BSND: variants seen among roughly 807,000 people sequenced by gnomAD.
BSND encodes barttin CLCNK type accessory subunit beta.
In BSND, 13 loss-of-function variants were observed where a neutral mutation model predicts 18.8. The ratio of observed to expected loss-of-function variants is 0.69; its 90% CI spans 0.45 to 1.10. BSND has a LOEUF of 1.10. Ranked by LOEUF, BSND falls within the 50% of genes least tolerant of loss-of-function variation. The probability of loss-of-function intolerance (pLI) is 0.00; values close to 1 mark genes in which losing one functional copy is unlikely to be tolerated. For missense variants in BSND, 379 were observed against 416.7 expected, an observed-to-expected ratio of 0.91 and a Z score of 0.79; for synonymous variants, 170 against 161.8, an observed-to-expected ratio of 1.05 and a Z score of -0.39.
chr1:55,014,071 T>A lies in BSND; in HGVS notation c.*5443T>A, dbSNP rs1244411753. ...TCTGTCCCCAGCACTTCTGAATGAC[T>A]AGCTGTGTGAGTACCAGTCTCCCCA... On this transcript the variant is annotated 3_prime_UTR_variant, in exon 4 of 4. Coordinates refer to ENST00000651561, the MANE Select transcript of BSND (RefSeq NM_057176.3). Among the ~76,000 whole-genome samples, 1 of 152,242 alleles carries A rather than the reference T, an allele frequency of 6.6e-6. No homozygotes were observed. Among genetic ancestry groups the A allele is most frequent in the Non-Finnish European group, 1.5e-5 (1 of 68,036 alleles).
chr1:55,006,254 G>A lies in BSND; in HGVS notation c.273-743G>A, dbSNP rs547341804. Among the ~76,000 whole-genome samples, 85 of 152,314 alleles carry A rather than the reference G, an allele frequency of 5.6e-4. 3 individuals are homozygous for A. The highest frequency in any genetic ancestry group is 4.4e-4 in the Non-Finnish European group (30 of 68,016). ...CGTCTCAGGGCCGGTTACTTGGGGT[G>A]GGCTCCTGTGATACAGTGGGGGCTC... On this transcript the variant is annotated intron_variant, in intron 2 of 3. Coordinates refer to ENST00000651561, the MANE Select transcript of BSND (RefSeq NM_057176.3).
In BSND at chr1:55,015,338, G is replaced by A. The variant is rs1644444548; in HGVS notation, c.*6710G>A. Among the ~76,000 whole-genome samples, 1 of 152,178 alleles carries A rather than the reference G, an allele frequency of 6.6e-6. No individual in the cohort carries two copies. Among genetic ancestry groups the A allele is most frequent in the Admixed American group, 6.5e-5 (1 of 15,278 alleles). On this transcript the variant is annotated 3_prime_UTR_variant, in exon 4 of 4. Transcript: ENST00000651561. ...CTGACCACAAATCCAGCAGAGCAGGGCAGGGAACCCTGTGGCAGAGGCTGT... is the reference window on the plus strand; with the variant it reads ...CTGACCACAAATCCAGCAGAGCAGGACAGGGAACCCTGTGGCAGAGGCTGT...
At position 55,008,530 on chromosome 1, in the gene BSND, G is replaced by T; in HGVS notation, c.865G>T (p.Glu289Ter). 15 of 1,614,212 alleles carry T rather than the reference G, an allele frequency of 9.3e-6. No individual in the cohort carries two copies. The highest frequency in any genetic ancestry group is 1.3e-5 in the Non-Finnish European group (15 of 1,180,032). Residue 289 changes from glutamate to a stop codon, truncating the protein, a stop_gained, in exon 4 of 4, where the codon GAG becomes TAG. Transcript: ENST00000651561. LOFTEE classifies it high-confidence loss of function. ...TTCGGACACAGGTGGGGAGGAACCT[G>T]AGAAGGAAGAGGAAGACCTGTACTA... ...EASDTGGEEPEKEEEDLYYGL... is the reference protein window; with the variant it reads ...EASDTGGEEP
chr1:55,013,524 C>T lies in BSND; in HGVS notation c.*4896C>T, dbSNP rs368945510. On this transcript the variant is annotated 3_prime_UTR_variant, in exon 4 of 4. Coordinates refer to ENST00000651561, the MANE Select transcript of BSND (RefSeq NM_057176.3). The stretch of plus-strand genomic sequence containing the variant: ...AAGCTGAATAATTTGCCCATCCTTG[C>T]GGAGAAGAGCTAAATGGAGGAGAGG... Among the ~76,000 whole-genome samples the T allele has an allele frequency of 9.2e-5, 14 of 152,246 alleles. No homozygotes were observed. Among genetic ancestry groups the T allele is most frequent in the East Asian group, 1.9e-4 (1 of 5,182 alleles).
At position 55,016,911 on chromosome 1, in the gene BSND, G is replaced by A. The variant is rs1335678252; in HGVS notation, c.*8283G>A. On this transcript the variant is annotated 3_prime_UTR_variant, in exon 4 of 4. Transcript: ENST00000651561. ...ACAGCTATGCAAGGGACAGATACAC[G>A]GCCATTCAAAACAGTGACCCTCCTG... Among the ~76,000 whole-genome samples, 4 of 152,136 alleles carry A rather than the reference G, an allele frequency of 2.6e-5. No individual in the cohort carries two copies. Among genetic ancestry groups the A allele is most frequent in the Non-Finnish European group, 5.9e-5 (4 of 68,030 alleles).
intron 1 of BSND, among the ~76,000 whole-genome samples, chr1:55,003,595 G>A (rs1644374254): frequency 6.6e-6 from 1 of 152,168 alleles, no homozygotes; most frequent in African/African-American, 2.4e-5. Flanking sequence ...TCTATGGGAA[G>A]GGGAATAGGG....
intron 3 of BSND, among the ~76,000 whole-genome samples, chr1:55,007,685 T>G (rs1172863050): frequency 2.0e-5 from 3 of 152,202 alleles, no homozygotes; most frequent in Admixed American, 6.5e-5. Context: ...TTGGGTCTGC[T>G]GCTGACCTGC....
At chr1:55,002,051 G>T (rs920332058) in intron 1 of BSND, among the ~76,000 whole-genome samples, 3 of 152,068 alleles carry the variant, frequency 2.0e-5, no homozygotes, top group Non-Finnish European at 2.9e-5. Flanking sequence ...AGGTCTGGGG[G>T]CAGCCATACC....
At chr1:55,004,952 A>G in intron 1 of BSND, 70 bp from the exon 2 acceptor site, 2 of 1,471,258 alleles carry the variant, frequency 1.4e-6, no homozygotes, top group Admixed American at 1.7e-5. Flanking sequence ...AGGTTTGCCA[A>G]TTCCCTGAGG....
At chr1:55,002,291 G>A (rs190880808) in intron 1 of BSND, among the ~76,000 whole-genome samples, 1 of 152,354 alleles carries the variant, frequency 6.6e-6, no homozygotes, top group East Asian at 1.9e-4. Flanking sequence ...CATGAGAGAG[G>A]AGAAGGGATC....
At chr1:55,001,155 C>T (rs1435531680) in intron 1 of BSND, among the ~76,000 whole-genome samples, 1 of 152,104 alleles carries the variant, frequency 6.6e-6, no homozygotes, top group Non-Finnish European at 1.5e-5. Flanking sequence ...GTCCCTCCCC[C>T]TCAGCTCTGA....
intron 1 of BSND, among the ~76,000 whole-genome samples, chr1:55,000,573 T>G (rs1047745360): frequency 5.9e-5 from 9 of 152,230 alleles, no homozygotes; most frequent in Admixed American, 5.9e-4. Flanking sequence ...TGGGTGGCTG[T>G]GCTCAGGGTT....
Position 55,016,601 on chromosome 1 carries a change from G to GTTTGT in BSND, c.*7975_*7976insTGTTT, listed in dbSNP as rs527631907. 3.3e-5 allele frequency among the ~76,000 whole-genome samples: 5 copies of GTTTGT among 151,412 alleles called. No homozygotes were observed. Among genetic ancestry groups the GTTTGT allele is most frequent in the South Asian group, 2.1e-4 (1 of 4,780 alleles). ...TTATTCTAGTTTTGTTGTTGTTGTT[G>GTTTGT]TTGTTTGTTTGTTGTTTTGAGACAA... On this transcript the variant is annotated 3_prime_UTR_variant, in exon 4 of 4. Coordinates refer to ENST00000651561, the MANE Select transcript of BSND (RefSeq NM_057176.3).
chr1:55,011,316 C>T lies in BSND; in HGVS notation c.*2688C>T, dbSNP rs905775249. ...CCTCTGCTAAGTTATTAGGAGGCCC[C>T]TTTCACGCTCGAAGATACCTCATTT... is the stretch of plus-strand genomic sequence containing the variant. On this transcript the variant is annotated 3_prime_UTR_variant, in exon 4 of 4. Coordinates refer to ENST00000651561, the MANE Select transcript of BSND (RefSeq NM_057176.3). 6.7e-6 allele frequency: 1 copy of T among 150,044 alleles called. No homozygotes were observed. The highest frequency in any genetic ancestry group is 1.5e-5 in the Non-Finnish European group (1 of 67,638). The allele number at this position is 150,044 out of a possible 1,614,324, so 9.3% of individuals were successfully genotyped here. A position where few individuals can be genotyped will look rare whatever the true frequency, so the allele number is the denominator to read the frequency against.
chr1:55,013,811 C>G lies in BSND; in HGVS notation c.*5183C>G, dbSNP rs1392886133. On this transcript the variant is annotated 3_prime_UTR_variant, in exon 4 of 4. Coordinates refer to ENST00000651561, the MANE Select transcript of BSND (RefSeq NM_057176.3). Reference sequence around the variant, plus strand: ...ATCTGGCCCCAACTGCCCCATCCAGCTGAATCATCTGCCATGTGCTCCCGT... The same window carrying G: ...ATCTGGCCCCAACTGCCCCATCCAGGTGAATCATCTGCCATGTGCTCCCGT... 6.6e-6 allele frequency among the ~76,000 whole-genome samples: 1 copy of G among 152,192 alleles called. No homozygotes were observed. Among genetic ancestry groups the G allele is most frequent in the African/African-American group, 2.4e-5 (1 of 41,414 alleles).
Position 55,013,282 on chromosome 1 carries a change from G to A in BSND, c.*4654G>A, listed in dbSNP as rs1249855119. On this transcript the variant is annotated 3_prime_UTR_variant, in exon 4 of 4. Coordinates refer to ENST00000651561, the MANE Select transcript of BSND (RefSeq NM_057176.3). ...GGGTTCAAGTGATTCTCCTGCCTCA[G>A]CCTCCCAAGTAGCTAGGATTACAGG... Among the ~76,000 whole-genome samples, 2 of 152,124 alleles carry A rather than the reference G, an allele frequency of 1.3e-5. No homozygotes were observed. The highest frequency in any genetic ancestry group is 2.4e-5 in the African/African-American group (1 of 41,402).
chr1:55,014,175 G>A lies in BSND; in HGVS notation c.*5547G>A, dbSNP rs2100215370. On this transcript the variant is annotated 3_prime_UTR_variant, in exon 4 of 4. Coordinates refer to ENST00000651561, the MANE Select transcript of BSND (RefSeq NM_057176.3). ...ATCCCCAGGACTTAGCAAAAGCAAG[G>A]AACAGTAGTGCTGGTGGAACAGAAT... Among the ~76,000 whole-genome samples, 1 of 152,340 alleles carries A rather than the reference G, an allele frequency of 6.6e-6. No individual in the cohort carries two copies. Among genetic ancestry groups the A allele is most frequent in the East Asian group, 1.9e-4 (1 of 5,190 alleles).
In BSND at chr1:55,013,974, C is replaced by T. The variant is rs1270555791; in HGVS notation, c.*5346C>T. ...CCCTGGAGCCTGAATTAGCCCTGCTCTCCCCTTCCACGGTGGAATCCATCT... is the reference window on the plus strand; with the variant it reads ...CCCTGGAGCCTGAATTAGCCCTGCTTTCCCCTTCCACGGTGGAATCCATCT... On this transcript the variant is annotated 3_prime_UTR_variant, in exon 4 of 4. Coordinates refer to ENST00000651561, the MANE Select transcript of BSND (RefSeq NM_057176.3). Among the ~76,000 whole-genome samples the T allele has an allele frequency of 6.6e-6, 1 of 152,196 alleles. No individual in the cohort carries two copies. Among genetic ancestry groups the T allele is most frequent in the East Asian group, 1.9e-4 (1 of 5,190 alleles).
chr1:55,011,018 A>AC lies in BSND; in HGVS notation c.*2392dup, dbSNP rs1385822390. 1 of 152,244 alleles carries AC rather than the reference A, an allele frequency of 6.6e-6. No homozygotes were observed. The highest frequency in any genetic ancestry group is 1.5e-5 in the Non-Finnish European group (1 of 68,076). 9.4% of individuals were successfully genotyped at this position (152,244 alleles called of 1,614,324 possible). A position where few individuals can be genotyped will look rare whatever the true frequency, so the allele number is the denominator to read the frequency against. ...AGTAAGCCCTCACTGCAGTGGCATG[A>AC]CCGTGGGGTGTGCTGTGTGGTGCTG... On this transcript the variant is annotated 3_prime_UTR_variant, in exon 4 of 4. Coordinates refer to ENST00000651561, the MANE Select transcript of BSND (RefSeq NM_057176.3).
Sources: gnomAD v4.1 joint callset for allele counts (sites outside exome capture counted in the v4.1 genomes callset) on GRCh38, gnomAD v4.1.1 for gene constraint, MANE v1.5 for transcripts, NCBI Gene and HGNC (gene_info 2026-07-23, HGNC 2026-07-21) for gene names.